PAN3: variants seen among roughly 807,000 people sequenced by gnomAD.
The protein encoded by PAN3 is poly(A) specific ribonuclease subunit PAN3.
Under a neutral mutation model 96.2 loss-of-function variants are expected in PAN3, and 19 were observed. The ratio of observed to expected loss-of-function variants is 0.20; its 90% CI spans 0.14 to 0.29. PAN3 has a LOEUF of 0.29. Ranked by LOEUF, PAN3 falls within the 10% of genes least tolerant of loss-of-function variation. The pLI, the probability that PAN3 is intolerant of heterozygous loss-of-function variation, is 1.00. For synonymous variants in PAN3, 433 were observed against 406.6 expected, an observed-to-expected ratio of 1.06 and a Z score of -0.78; for missense variants, 882 against 1,108.1, an observed-to-expected ratio of 0.80 and a Z score of 2.90.
chr13:28,177,444 C>A (rs1053425618), intron 3 of PAN3, among the ~76,000 whole-genome samples: 37 of 152,256 alleles, frequency 2.4e-4, no homozygotes, highest in Admixed American at 1.1e-3. Context: ...GTGTTGAAAT[C>A]CAAGACAGGA....
chr13:28,239,827 G>C (rs1883476536), intron 6 of PAN3: 1 of 395,682 alleles, frequency 2.5e-6, no homozygotes, highest in African/African-American at 2.1e-5. Flanking sequence ...TATTCTTACT[G>C]ACTTCGTTTT....
intron 6 of PAN3, among the ~76,000 whole-genome samples, chr13:28,232,820 C>T (rs1882717433): frequency 1.3e-5 from 2 of 151,878 alleles, no homozygotes; most frequent in Admixed American, 6.6e-5. Context: ...TTAAAGACTC[C>T]CTTTTATTAT....
intron 1 of PAN3, among the ~76,000 whole-genome samples, chr13:28,145,988 G>A (rs1431436560): frequency 2.6e-5 from 4 of 151,744 alleles, no homozygotes; most frequent in East Asian, 3.9e-4. Context: ...GGCTGGTCTC[G>A]AACCCCTAAC....
chr13:28,181,238 A>G (rs745518219), intron 4 of PAN3, among the ~76,000 whole-genome samples: 3 of 152,030 alleles, frequency 2.0e-5, no homozygotes, highest in Non-Finnish European at 2.9e-5. Flanking sequence ...GTCTGTTACA[A>G]TGGCTCATGC....
chr13:28,169,044 T>C (rs1873946053), intron 1 of PAN3, among the ~76,000 whole-genome samples: 1 of 151,666 alleles, frequency 6.6e-6, no homozygotes, highest in African/African-American at 2.4e-5. Context: ...TTGCAAACTA[T>C]TAGTCCATGG....
At position 28,225,258 on chromosome 13, in the gene PAN3, C is replaced by T. The variant is rs17086407; in HGVS notation, c.1000+4880C>T. The stretch of plus-strand genomic sequence containing the variant: ...AAAGGGGAAATTAATATTTGTCGTT[C>T]TTGTTCAGAAATATCAAAACTTTTT... On this transcript the variant is annotated intron_variant, in intron 6 of 18. Coordinates refer to ENST00000380958, the MANE Select transcript of PAN3 (RefSeq NM_175854.8). 4.4e-3 allele frequency among the ~76,000 whole-genome samples: 667 copies of T among 152,110 alleles called. 9 individuals carry two copies. Among genetic ancestry groups the T allele is most frequent in the African/African-American group, 0.015 (634 of 41,512 alleles).
At chr13:28,142,535 C>T (rs1294188449) in intron 1 of PAN3, among the ~76,000 whole-genome samples, 1 of 99,310 alleles carries the variant, frequency 1.0e-5, no homozygotes, top group Non-Finnish European at 1.8e-5. Context: ...TTTTTTGAGA[C>T]AGGGACCACA....
chr13:28,216,286 A>G (rs940564514), intron 5 of PAN3, among the ~76,000 whole-genome samples: 1 of 151,916 alleles, frequency 6.6e-6, no homozygotes, highest in Non-Finnish European at 1.5e-5. Context: ...ATTCATAGTG[A>G]CAGAAAGTCT....
chr13:28,196,376 A>G (rs1295804833), intron 4 of PAN3, among the ~76,000 whole-genome samples: 1 of 152,202 alleles, frequency 6.6e-6, no homozygotes, highest in African/African-American at 2.4e-5. Flanking sequence ...GAAGTGAGAT[A>G]GTGGAAACAA....
intron 5 of PAN3, among the ~76,000 whole-genome samples, chr13:28,199,139 A>C (rs947889102): frequency 2.6e-5 from 4 of 152,134 alleles, no homozygotes; most frequent in African/African-American, 9.7e-5. Flanking sequence ...GGTTGTTACA[A>C]TTAGTTTTTA....
intron 17 of PAN3, among the ~76,000 whole-genome samples, chr13:28,284,764 A>G (rs1385909891): frequency 2.6e-5 from 4 of 152,194 alleles, no homozygotes; most frequent in Non-Finnish European, 5.9e-5. Flanking sequence ...TTTGAAATCT[A>G]GCAGTATTCT....
chr13:28,274,430 T>G (rs1886891162), intron 14 of PAN3, among the ~76,000 whole-genome samples: 1 of 151,746 alleles, frequency 6.6e-6, no homozygotes. Context: ...TGAAGGAAAA[T>G]TACACATTTT....
chr13:28,256,535 G>A lies in PAN3; in HGVS notation c.1244G>A (p.Gly415Glu). 6.2e-7 allele frequency: 1 copy of A among 1,612,774 alleles called. No individual in the cohort carries two copies. Among genetic ancestry groups the A allele is most frequent in the Non-Finnish European group, 8.5e-7 (1 of 1,179,398 alleles). ...GACACAACTCCAGCACCTTTGACTG[G>A]AATGGTATGTCTACATTAAAGAGGA... is the stretch of plus-strand genomic sequence containing the variant. The part of the protein sequence containing the change: ...YTDTTPAPLT[G>E]MVFPNYHIYP... Residue 415 changes from glycine to glutamate, a missense_variant, in exon 7 of 19, where the codon GGA becomes GAA. Gly to Glu is a moderately conservative substitution (Grantham distance 98, BLOSUM62 -2). Around this residue, in one of 3 missense-constraint regions of PAN3, gnomAD observed 364 missense variants for 513.6 expected, o/e 0.71. Transcript: ENST00000380958.
chr13:28,142,669 A>G (rs1052884527), intron 1 of PAN3, among the ~76,000 whole-genome samples: 1 of 152,124 alleles, frequency 6.6e-6, no homozygotes, highest in Non-Finnish European at 1.5e-5. Flanking sequence ...GTGAGCCACC[A>G]TATATACCAT....
At chr13:28,209,609 C>T (rs1382254730) in intron 5 of PAN3, among the ~76,000 whole-genome samples, 3 of 151,978 alleles carry the variant, frequency 2.0e-5, no homozygotes, top group African/African-American at 7.3e-5. Flanking sequence ...TTTTAAAATA[C>T]TATAATAAAA....
chr13:28,260,486 C>T lies in PAN3; in HGVS notation c.1288C>T (p.His430Tyr). ...NYHIYPPTAPHVAYMQPKANA... is the reference protein window; with the variant it reads ...NYHIYPPTAPYVAYMQPKANA... Reference sequence around the variant, plus strand: ...TCATATTTATCCTCCAACTGCACCTCACGTTGCTTATATGCAACCGAAAGC... The same window carrying T: ...TCATATTTATCCTCCAACTGCACCTTACGTTGCTTATATGCAACCGAAAGC... Residue 430 changes from histidine (H) to tyrosine (Y), a missense_variant, in exon 8 of 19, where the codon CAC (histidine) becomes TAC (tyrosine). Around this residue, in one of 3 missense-constraint regions of PAN3, gnomAD observed 364 missense variants for 513.6 expected, o/e 0.71. Transcript: ENST00000380958. 2 of 1,613,648 alleles carry T rather than the reference C, an allele frequency of 1.2e-6. No individual in the cohort carries two copies. Among genetic ancestry groups the T allele is most frequent in the Non-Finnish European group, 1.7e-6 (2 of 1,179,616 alleles).
At position 28,230,212 on chromosome 13, in the gene PAN3, A is replaced by G. The variant is rs531727038; in HGVS notation, c.1000+9834A>G. ...GTCTGTGTTCTGAATAACTAGAGTT[A>G]TTGTTGAATTCATGAATATAGGAGT... On this transcript the variant is annotated intron_variant, in intron 6 of 18. Transcript: ENST00000380958. Among the ~76,000 whole-genome samples the G allele has an allele frequency of 3.3e-5, 5 of 152,214 alleles. No individual in the cohort carries two copies. The East Asian group carries it at 9.6e-4, about 29-fold the overall frequency.
rs778463971 is a variant in PAN3 at position 28,220,332 on chromosome 13, C to G, written c.954C>G (p.Phe318Leu). The G allele has an allele frequency of 6.2e-7, 1 of 1,613,810 alleles. No homozygotes were observed. The highest frequency in any genetic ancestry group is 1.3e-5 in the African/African-American group (1 of 75,036). The change falls in exon 6 of 19, where the codon TTC becomes TTG. Residue 318 changes from phenylalanine (F) to leucine (L), a missense_variant. Phe to Leu is a conservative substitution (Grantham distance 22, BLOSUM62 0). Transcript: ENST00000380958. Reference sequence around the variant, plus strand: ...ATATGTCTGCCTTCTCTCAAGTTTTCTCTCACCCATCCATGGGAAGCCCTG... The same window carrying G: ...ATATGTCTGCCTTCTCTCAAGTTTTGTCTCACCCATCCATGGGAAGCCCTG... ...QSNMSAFSQV[F>L]SHPSMGSPAT...
chr13:28,233,268 C>CTTT (rs773196328), intron 6 of PAN3, among the ~76,000 whole-genome samples: 10 of 132,378 alleles, frequency 7.6e-5, no homozygotes, highest in Admixed American at 1.5e-4. Flanking sequence ...AATTATGACA[C>CTTT]TTTTTTTTTT....
Sources: allele counts gnomAD v4.1 joint callset (sites outside exome capture counted in the v4.1 genomes callset), GRCh38; gene constraint gnomAD v4.1.1; regional missense constraint gnomAD v4.1.1; transcripts MANE v1.5; gene names NCBI Gene and HGNC (gene_info 2026-07-23, HGNC 2026-07-21).